Variants in STK3 observed in about 807,000 individuals in gnomAD.
STK3 encodes the protein serine/threonine-protein kinase 3.
Under a neutral mutation model 58.0 loss-of-function variants are expected in STK3, and 41 were observed. The ratio of observed to expected loss-of-function variants is 0.71; its 90% CI spans 0.55 to 0.92. The LOEUF is 0.92. STK3 is among the 40% of genes least tolerant of loss of function. The probability of loss-of-function intolerance (pLI) is 0.00; values close to 1 mark genes in which losing one functional copy is unlikely to be tolerated. For synonymous variants in STK3, 170 were observed against 191.0 expected, an observed-to-expected ratio of 0.89 and a Z score of 0.91; for missense variants, 479 against 602.7, an observed-to-expected ratio of 0.79 and a Z score of 2.15.
intron 6 of STK3, among the ~76,000 whole-genome samples, chr8:98,693,883 C>T (rs62535412): frequency 0.25 from 38,075 of 151,856 alleles, 5,382 homozygotes; most frequent in East Asian, 0.41. Context: ...GACATGGATG[C>T]TTTTCTCTTT....
chr8:98,825,660 C>A lies in STK3; in HGVS notation c.-120G>T. The A allele has an allele frequency of 8.4e-7, 1 of 1,186,350 alleles. No homozygotes were observed. Among genetic ancestry groups the A allele is most frequent in the Non-Finnish European group, 1.1e-6 (1 of 947,304 alleles). The allele number at this position is 1,186,350 out of a possible 1,614,324, so 73.5% of individuals were successfully genotyped here. On this transcript the variant is annotated 5_prime_UTR_variant, in exon 1 of 11. Coordinates refer to ENST00000419617, the MANE Select transcript of STK3 (RefSeq NM_006281.4). ...AGAGGGAAACTCTGGGAACTCGGAC[C>A]AACTTTCCCGTAACTCCGCGGCGGA... is the stretch of plus-strand genomic sequence containing the variant.
intron 4 of STK3, among the ~76,000 whole-genome samples, chr8:98,748,749 T>C (rs1829789502): frequency 1.3e-5 from 2 of 152,086 alleles, no homozygotes; most frequent in South Asian, 2.1e-4. Context: ...TATTAAACAA[T>C]ACATTTCACT....
chr8:98,718,787 G>T (rs1319539261), intron 4 of STK3, among the ~76,000 whole-genome samples: 1 of 151,692 alleles, frequency 6.6e-6, no homozygotes, highest in Non-Finnish European at 1.5e-5. Context: ...ATATAATATT[G>T]TTATTTATTA....
the STK3 span, among the ~76,000 whole-genome samples, chr8:98,351,768 G>A: frequency 3.3e-5 from 5 of 152,174 alleles, no homozygotes; most frequent in Non-Finnish European, 5.9e-5. Context: ...CTCAAAAGAT[G>A]CAAATCTCCT....
chr8:98,932,058 C>T (rs2132039567), intron 1 of STK3, among the ~76,000 whole-genome samples: 1 of 152,240 alleles, frequency 6.6e-6, no homozygotes, highest in African/African-American at 2.4e-5. Context: ...TTGATCTAAA[C>T]AGGCCTCCAG....
intron 10 of STK3, among the ~76,000 whole-genome samples, chr8:98,477,705 GGGGGGGGGGGGTGGGC>G (rs1368415839): frequency 1.3e-5 from 1 of 76,122 alleles, no homozygotes; most frequent in Non-Finnish European, 2.7e-5. Context: ...CACTTGGCGG[GGGGGGGGGGGGTGGGC>G]GGGGGGGGGC....
chr8:98,390,846 T>C (rs186973294), upstream of STK3, among the ~76,000 whole-genome samples: 4 of 152,362 alleles, frequency 2.6e-5, no homozygotes, highest in East Asian at 7.7e-4. Flanking sequence ...TGTTTTATTT[T>C]GGTTATGATT....
chr8:98,580,827 CA>C lies in STK3; in HGVS notation c.823-1039del, dbSNP rs543556650. ...GAGAACACAAAAATATATTTAAAGA[CA>C]AAAAAAATTGTGCTGAAGAAGAAAT... is the stretch of plus-strand genomic sequence containing the variant. On this transcript the variant is annotated intron_variant, in intron 7 of 10. Transcript: ENST00000419617. Among the ~76,000 whole-genome samples, 293 of 151,684 alleles carry C rather than the reference CA, an allele frequency of 1.9e-3. 1 individual carries two copies. Among genetic ancestry groups the C allele is most frequent in the African/African-American group, 6.8e-3 (280 of 41,372 alleles).
At chr8:98,391,041 G>T (rs186396709), upstream of STK3, among the ~76,000 whole-genome samples, 1 of 152,148 alleles carries the variant, frequency 6.6e-6, no homozygotes. Flanking sequence ...ATTGGCATCC[G>T]TTGACTGCTT....
At chr8:98,449,204 G>A (rs912328046) in intron 1 of STK3, among the ~76,000 whole-genome samples, 17 of 152,230 alleles carry the variant, frequency 1.1e-4, no homozygotes, top group Non-Finnish European at 1.5e-4. Flanking sequence ...TTCCCATACA[G>A]AAGATTCCAG....
At chr8:98,386,358 G>A (rs1478971565) in intron 1 of STK3, among the ~76,000 whole-genome samples, 1 of 152,122 alleles carries the variant, frequency 6.6e-6, no homozygotes, top group African/African-American at 2.4e-5. Flanking sequence ...AAATGATGGA[G>A]TTTATTATTA....
chr8:98,653,667 C>T (rs1412514862), intron 6 of STK3, among the ~76,000 whole-genome samples: 1 of 152,156 alleles, frequency 6.6e-6, no homozygotes, highest in South Asian at 2.1e-4. Flanking sequence ...ACCGATCCCA[C>T]AGAAATACAA....
intron 6 of STK3, among the ~76,000 whole-genome samples, chr8:98,686,824 G>C (rs1389186970): frequency 6.6e-6 from 1 of 151,962 alleles, no homozygotes; most frequent in East Asian, 1.9e-4. Context: ...CCAAGCAAAA[G>C]AAAGAATTTC....
intron 6 of STK3, among the ~76,000 whole-genome samples, chr8:98,686,413 T>TTG (rs1824004991): frequency 6.6e-6 from 1 of 152,216 alleles, no homozygotes; most frequent in Non-Finnish European, 1.5e-5. Flanking sequence ...AATAATTTAA[T>TTG]ATTAATGATT....
At chr8:98,836,205 GA>G (rs968035211) in intron 3 of STK3, among the ~76,000 whole-genome samples, 93 of 144,924 alleles carry the variant, frequency 6.4e-4, no homozygotes, top group African/African-American at 1.8e-3. Flanking sequence ...TGTCTCAACA[GA>G]AAAAAAAAAA....
intron 9 of STK3, among the ~76,000 whole-genome samples, chr8:98,534,306 T>A (rs1809584536): frequency 1.3e-5 from 2 of 152,154 alleles, no homozygotes; most frequent in South Asian, 4.2e-4. Flanking sequence ...TTCTATGAAA[T>A]TTAAGATAGT....
At chr8:98,655,695 CA>C (rs1821433661) in intron 6 of STK3, among the ~76,000 whole-genome samples, 2 of 151,820 alleles carry the variant, frequency 1.3e-5, no homozygotes, top group South Asian at 4.2e-4. Flanking sequence ...AGACACTTCT[CA>C]AAAGAAGACA....
chr8:98,556,491 G>A (rs1261058668), intron 8 of STK3, among the ~76,000 whole-genome samples: 2 of 152,068 alleles, frequency 1.3e-5, no homozygotes, highest in African/African-American at 4.8e-5. Context: ...GGATCTTGGG[G>A]TAAAATTAGG....
chr8:98,542,146 G>C (rs1270452649), intron 9 of STK3, among the ~76,000 whole-genome samples: 1 of 152,100 alleles, frequency 6.6e-6, no homozygotes, highest in Non-Finnish European at 1.5e-5. Flanking sequence ...CACAGTGTTT[G>C]GCCTGTAGTA....
Sources: allele counts gnomAD v4.1 joint callset (sites outside exome capture counted in the v4.1 genomes callset), GRCh38; gene constraint gnomAD v4.1.1; transcripts MANE v1.5; gene names NCBI Gene and HGNC (gene_info 2026-07-23, HGNC 2026-07-21).